PDE6D: variants seen among roughly 807,000 people sequenced by gnomAD.
PDE6D encodes phosphodiesterase 6D.
PDE6D carries 10 observed loss-of-function variants against 21.9 expected under a neutral mutation model. That is an observed-to-expected ratio of 0.46 (90% CI 0.28 to 0.78). The LOEUF (loss-of-function observed/expected upper bound fraction) is 0.78, where lower values mean the gene tolerates loss of function less well. PDE6D is among the 30% of genes least tolerant of loss of function. The probability of loss-of-function intolerance (pLI) is 0.12; values close to 1 mark genes in which losing one functional copy is unlikely to be tolerated. For missense variants in PDE6D, 139 were observed against 184.8 expected (o/e 0.75, Z 1.44); for synonymous variants, 59 against 63.5 (o/e 0.93, Z 0.34).
chr2:231,735,319 AGGTGGAGTCTCGCCCTGTCACCCAG>A (rs1310036453), intron 4 of PDE6D, among the ~76,000 whole-genome samples: 1 of 92,666 alleles, frequency 1.1e-5, no homozygotes, highest in Non-Finnish European at 2.4e-5. Flanking sequence ...TTTTTTTTTG[AGGTGGAGTCTCGCCCTGTCACCCAG>A]GGTGGAGTGC....
At chr2:231,735,852 T>G (rs2048696503) in intron 4 of PDE6D, among the ~76,000 whole-genome samples, 1 of 151,628 alleles carries the variant, frequency 6.6e-6, no homozygotes, top group Non-Finnish European at 1.5e-5. Flanking sequence ...GGTGAAACCC[T>G]GTCTCTACTA....
chr2:231,739,844 C>T lies in PDE6D; in HGVS notation c.51-656G>A, dbSNP rs2048733300. On this transcript the variant is annotated intron_variant, in intron 1 of 4. Coordinates refer to ENST00000287600, the MANE Select transcript of PDE6D (RefSeq NM_002601.4). The surrounding 1 kb of genome is among the most constrained non-coding windows in gnomAD (Gnocchi z 4.2). ...ATGGGGTTTCACCATGTTGGCCAGG[C>T]TGGTCTCGAACTCCTGACCTCAAGT... Among the ~76,000 whole-genome samples, 1 of 152,122 alleles carries T rather than the reference C, an allele frequency of 6.6e-6. No homozygotes were observed. Among genetic ancestry groups the T allele is most frequent in the Admixed American group, 6.5e-5 (1 of 15,274 alleles).
Position 231,781,089 on chromosome 2 carries a change from C to T in PDE6D, c.26G>A (p.Arg9Lys). ...CAGTTTGAAGCCCCTCAGGATCTCC[C>T]TGGCCCGCTCGTCCTTGGCTGACAT... MSAKDERA[R>K]EILRGFKLNW... The change falls in exon 1 of 5, where the codon AGG becomes AAG. Residue 9 changes from arginine to lysine, a missense_variant. Transcript: ENST00000287600. 6.2e-7 allele frequency: 1 copy of T among 1,613,544 alleles called. No homozygotes were observed. The highest frequency in any genetic ancestry group is 2.2e-5 in the East Asian group (1 of 44,816).
intron 1 of PDE6D, among the ~76,000 whole-genome samples, chr2:231,744,434 C>CT (rs71396691): frequency 0.18 from 25,065 of 136,176 alleles, 2,573 homozygotes; most frequent in Non-Finnish European, 0.24. Flanking sequence ...AATTGCTTTT[C>CT]TTTTTTTTTT....
intron 4 of PDE6D, 87 bp downstream of exon 4, chr2:231,737,100 G>T: frequency 1.4e-6 from 1 of 705,556 alleles, no homozygotes. Context: ...CGAGCTCTCT[G>T]CCCACTGAAT....
At chr2:231,776,086 C>T (rs995991056) in intron 1 of PDE6D, among the ~76,000 whole-genome samples, 1 of 151,788 alleles carries the variant, frequency 6.6e-6, no homozygotes, top group African/African-American at 2.4e-5. Flanking sequence ...GCCTGTAATC[C>T]CAGCACTTTG....
intron 3 of PDE6D, chr2:231,737,535 C>T (rs1559308267): frequency 4.8e-6 from 2 of 416,672 alleles, no homozygotes; most frequent in Admixed American, 4.0e-5. Context: ...GCGAGCAGGA[C>T]ACAATATAAG....
intron 1 of PDE6D, among the ~76,000 whole-genome samples, chr2:231,766,983 G>C (rs1166575599): frequency 4.4e-5 from 5 of 113,590 alleles, no homozygotes; most frequent in Non-Finnish European, 8.3e-5. Flanking sequence ...GACAGAGCGA[G>C]ACTCCGTCTC....
At chr2:231,754,708 T>C (rs16828376) in intron 1 of PDE6D, among the ~76,000 whole-genome samples, 2,629 of 151,428 alleles carry the variant, frequency 0.017, 72 homozygotes, top group African/African-American at 0.06. Context: ...GAGAATGCCA[T>C]TAATGCCATG....
At chr2:231,760,260 T>C (rs2048915769) in intron 1 of PDE6D, among the ~76,000 whole-genome samples, 1 of 152,204 alleles carries the variant, frequency 6.6e-6, no homozygotes, top group Admixed American at 6.5e-5. Flanking sequence ...CGCTTAGGTA[T>C]ATGAAACTTT....
chr2:231,737,848 G>T, intron 3 of PDE6D, 165 bp downstream of exon 3: 1 of 663,832 alleles, frequency 1.5e-6, no homozygotes, highest in South Asian at 2.3e-5. Flanking sequence ...CTTTGTTTTG[G>T]TTTGTTTCAC....
At chr2:231,775,235 T>A (rs1037908664) in intron 1 of PDE6D, among the ~76,000 whole-genome samples, 2 of 151,924 alleles carry the variant, frequency 1.3e-5, no homozygotes, top group African/African-American at 4.8e-5. Context: ...TTTATTTTCG[T>A]ACAGTGCCAC....
chr2:231,751,251 G>A (rs190305929), intron 1 of PDE6D, among the ~76,000 whole-genome samples: 3 of 152,028 alleles, frequency 2.0e-5, no homozygotes, highest in South Asian at 4.2e-4. Context: ...TGAGCTTCCA[G>A]GCTCAATTGA....
intron 1 of PDE6D, among the ~76,000 whole-genome samples, chr2:231,746,354 G>A (rs1023656775): frequency 1.3e-5 from 2 of 152,078 alleles, no homozygotes; most frequent in African/African-American, 4.8e-5. Flanking sequence ...TGTTGCCCAG[G>A]CTGGTCTCAA....
At chr2:231,735,713 T>TA (rs555855115) in intron 4 of PDE6D, among the ~76,000 whole-genome samples, 116 of 147,470 alleles carry the variant, frequency 7.9e-4, no homozygotes, top group Admixed American at 2.3e-3. Flanking sequence ...ACCTGGCTGT[T>TA]AAAAAAACTA....
At chr2:231,734,879 A>C (rs991677509) in intron 4 of PDE6D, among the ~76,000 whole-genome samples, 1 of 149,660 alleles carries the variant, frequency 6.7e-6, no homozygotes, top group African/African-American at 2.5e-5. Flanking sequence ...ACCCCAAAAA[A>C]CAGGTAAATA....
At chr2:231,779,407 A>ATT (rs1487997395) in intron 1 of PDE6D, 2 of 152,254 alleles carry the variant, frequency 1.3e-5, no homozygotes, top group Admixed American at 1.3e-4. Context: ...AAGCCATTAA[A>ATT]AAGGCCTTTC....
intron 1 of PDE6D, among the ~76,000 whole-genome samples, chr2:231,747,448 G>A (rs1010055628): frequency 7.9e-5 from 12 of 152,172 alleles, no homozygotes; most frequent in Non-Finnish European, 1.3e-4. Flanking sequence ...TAAATGAGCT[G>A]GTTCATAAAA....
rs762565226 is a variant in PDE6D at position 231,732,942 on chromosome 2, C to T, written c.*10G>A. ...AACCCAAATTCTTGAAATGTACACA[C>T]ATTCTTCTTTCAAACATAGAAAAGT... On this transcript the variant is annotated 3_prime_UTR_variant, in exon 5 of 5. Transcript: ENST00000287600. 9.5e-6 allele frequency: 15 copies of T among 1,580,680 alleles called. No individual in the cohort carries two copies. Among genetic ancestry groups the T allele is most frequent in the Non-Finnish European group, 1.3e-5 (15 of 1,151,566 alleles).
Sources: gnomAD v4.1 joint callset for allele counts (sites outside exome capture counted in the v4.1 genomes callset) on GRCh38, gnomAD v4.1.1 for gene constraint, Gnocchi (gnomAD v3.1) non-coding constraint, MANE v1.5 for transcripts, NCBI Gene and HGNC (gene_info 2026-07-23, HGNC 2026-07-21) for gene names.